TMEM97: variants seen among roughly 807,000 people sequenced by gnomAD.
TMEM97 encodes the protein transmembrane protein 97.
Under a neutral mutation model 18.3 loss-of-function variants are expected in TMEM97, and 13 were observed. That is an observed-to-expected ratio of 0.71 (90% CI 0.46 to 1.13). TMEM97 has a LOEUF of 1.13. Ranked by LOEUF, TMEM97 falls within the 50% of genes most tolerant of loss-of-function variation. TMEM97 has a pLI of 0.00. For synonymous variants in TMEM97, 76 were observed against 85.3 expected, an observed-to-expected ratio of 0.89 and a Z score of 0.60; for missense variants, 205 against 210.5, an observed-to-expected ratio of 0.97 and a Z score of 0.16.
rs1334407704 is a variant in TMEM97, at chr17:28,328,344, T to G, written c.*1551T>G. The G allele has an allele frequency of 2.3e-5, 6 of 265,334 alleles. No individual in the cohort carries two copies. The highest frequency in any genetic ancestry group is 6.8e-5 in the African/African-American group (3 of 44,212). 16.4% of individuals were successfully genotyped at this position (265,334 alleles called of 1,614,324 possible). A position where few individuals can be genotyped will look rare whatever the true frequency, so the allele number is the denominator to read the frequency against. On this transcript the variant is annotated 3_prime_UTR_variant, in exon 3 of 3. Transcript: ENST00000226230. ...CATCAAGCCATTTGAAAACAAAAATTTATTGCTTCTCCTTCCAAAGCTTTG... is the reference window on the plus strand; with the variant it reads ...CATCAAGCCATTTGAAAACAAAAATGTATTGCTTCTCCTTCCAAAGCTTTG...
At chr17:28,320,174 T>C (rs1288939261) in intron 1 of TMEM97, among the ~76,000 whole-genome samples, 1 of 152,234 alleles carries the variant, frequency 6.6e-6, no homozygotes, top group African/African-American at 2.4e-5. Flanking sequence ...TAGGCAGGAC[T>C]GACTTGTCTA....
At position 28,327,050 on chromosome 17, in the gene TMEM97, C is replaced by T; in HGVS notation, c.*257C>T. The T allele has an allele frequency of 1.1e-5, 5 of 443,696 alleles. No homozygotes were observed. Among genetic ancestry groups the T allele is most frequent in the Non-Finnish European group, 2.0e-5 (5 of 244,942 alleles). The allele number at this position is 443,696 out of a possible 1,614,324, so 27.5% of individuals were successfully genotyped here. A position where few individuals can be genotyped will look rare whatever the true frequency, so the allele number is the denominator to read the frequency against. On this transcript the variant is annotated 3_prime_UTR_variant, in exon 3 of 3. Transcript: ENST00000226230. ...GCATGATCTCGGCTCACTGCAACCT[C>T]CGCCTCCTGGGCTCAAGCCATCTTC...
At chr17:28,323,000 A>T (rs1555575065) in intron 1 of TMEM97, among the ~76,000 whole-genome samples, 1 of 152,236 alleles carries the variant, frequency 6.6e-6, no homozygotes, top group East Asian at 1.9e-4. Context: ...TTTAAAGACT[A>T]CATGTATTAA....
chr17:28,320,714 A>G (rs1906109091), intron 1 of TMEM97, among the ~76,000 whole-genome samples: 1 of 152,246 alleles, frequency 6.6e-6, no homozygotes, highest in African/African-American at 2.4e-5. Context: ...GAAATCTTAC[A>G]GTGCTCAAAT....
chr17:28,326,412 C>G, intron 2 of TMEM97, 122 bp from the exon 3 acceptor site: 3 of 1,245,878 alleles, frequency 2.4e-6, no homozygotes, highest in East Asian at 4.7e-5. Context: ...GTTTCCAGTT[C>G]CGAGTTTCCA....
chr17:28,328,352 TCTC>T lies in TMEM97; in HGVS notation c.*1562_*1564del, dbSNP rs1395285030. 4 of 279,988 alleles carry T rather than the reference TCTC, an allele frequency of 1.4e-5. No individual in the cohort carries two copies. Among genetic ancestry groups the T allele is most frequent in the African/African-American group, 2.2e-5 (1 of 44,706 alleles). 17.3% of individuals were successfully genotyped at this position (279,988 alleles called of 1,614,324 possible). A position where few individuals can be genotyped will look rare whatever the true frequency, so the allele number is the denominator to read the frequency against. ...CATTTGAAAACAAAAATTTATTGCT[TCTC>T]CTTCCAAAGCTTTGTGAATTTACAA... On this transcript the variant is annotated 3_prime_UTR_variant, in exon 3 of 3. Transcript: ENST00000226230.
rs538038865 is a variant in TMEM97 at position 28,321,800 on chromosome 17, CTGTGTGTGTGTGTG to C, written c.126+2465_126+2478del. On this transcript the variant is annotated intron_variant, in intron 1 of 2. Coordinates refer to ENST00000226230, the MANE Select transcript of TMEM97 (RefSeq NM_014573.3). The stretch of plus-strand genomic sequence containing the variant: ...AGTGCAGGCAGCATCTGGCCAGAAC[CTGTGTGTGTGTGTG>C]TGTGTGTGTGTGTGTGTGTGTGTGT... Among the ~76,000 whole-genome samples, 673 of 132,300 alleles carry C rather than the reference CTGTGTGTGTGTGTG, an allele frequency of 5.1e-3. 4 individuals are homozygous for C. Among genetic ancestry groups the C allele is most frequent in the Non-Finnish European group, 8.4e-3 (517 of 61,786 alleles). 86.8% of individuals were successfully genotyped at this position (132,300 alleles called of 152,430 possible). A position where few individuals can be genotyped will look rare whatever the true frequency, so the allele number is the denominator to read the frequency against.
At position 28,328,169 on chromosome 17, in the gene TMEM97, G is replaced by C. The variant is rs1209727631; in HGVS notation, c.*1376G>C. 6.5e-6 allele frequency: 1 copy of C among 154,862 alleles called. No individual in the cohort carries two copies. Among genetic ancestry groups the C allele is most frequent in the African/African-American group, 2.4e-5 (1 of 41,460 alleles). 9.6% of individuals were successfully genotyped at this position (154,862 alleles called of 1,614,324 possible). Reference sequence around the variant, plus strand: ...TTTTGCTCACAAGCCATATTGGCCCGATTAGTGGTACTGTCTGACTCACGT... The same window carrying C: ...TTTTGCTCACAAGCCATATTGGCCCCATTAGTGGTACTGTCTGACTCACGT... On this transcript the variant is annotated 3_prime_UTR_variant, in exon 3 of 3. Coordinates refer to ENST00000226230, the MANE Select transcript of TMEM97 (RefSeq NM_014573.3).
At chr17:28,319,493 C>T (rs1906056997) in intron 1 of TMEM97, 128 bp downstream of exon 1, 11 of 1,175,964 alleles carry the variant, frequency 9.4e-6, no homozygotes, top group African/African-American at 1.6e-5. Flanking sequence ...CCCATGCCTC[C>T]CCCGCTCCTA....
rs1045257504 is a variant in TMEM97, at chr17:28,319,253, C to A, written c.14C>A (p.Ala5Glu). Reference sequence around the variant, plus strand: ...AACCGACAGACTATGGGGGCTCCGGCAACCAGGCGCTGCGTGGAGTGGCTG... The same window carrying A: ...AACCGACAGACTATGGGGGCTCCGGAAACCAGGCGCTGCGTGGAGTGGCTG... The part of the protein sequence containing the change: MGAP[A>E]TRRCVEWLLG... The change falls in exon 1 of 3, where the codon GCA becomes GAA. Residue 5 changes from alanine (A) to glutamate (E), a missense_variant. By Grantham distance (107) the Ala-to-Glu change is moderately radical (BLOSUM62 -1). Transcript: ENST00000226230. 6.2e-7 allele frequency: 1 copy of A among 1,608,802 alleles called. No homozygotes were observed. The highest frequency in any genetic ancestry group is 1.1e-5 in the South Asian group (1 of 90,714).
At position 28,319,373 on chromosome 17, in the gene TMEM97, G is replaced by A; in HGVS notation, c.126+8G>A. 1 of 1,578,058 alleles carries A rather than the reference G, an allele frequency of 6.3e-7. No individual in the cohort carries two copies. Among genetic ancestry groups the A allele is most frequent in the African/African-American group, 1.4e-5 (1 of 70,418 alleles). On this transcript the variant is annotated splice_region_variant and intron_variant, in intron 1 of 2. Transcript: ENST00000226230. ...GAGCTCTACCCAGTCGAGGTGAGGG[G>A]CGCCCCTCTTATCCCGGCCCGCTGA...
Position 28,327,477 on chromosome 17 carries a change from A to G in TMEM97, c.*684A>G, listed in dbSNP as rs1339264205. ...GTTCATGAGTCACCTGACCCACAGC[A>G]TATATGCTTATGACTAAACCCTCCA... On this transcript the variant is annotated 3_prime_UTR_variant, in exon 3 of 3. Coordinates refer to ENST00000226230, the MANE Select transcript of TMEM97 (RefSeq NM_014573.3). 2 of 152,372 alleles carry G rather than the reference A, an allele frequency of 1.3e-5. No homozygotes were observed. Among genetic ancestry groups the G allele is most frequent in the Non-Finnish European group, 2.9e-5 (2 of 68,170 alleles). The allele number at this position is 152,372 out of a possible 1,614,324, so 9.4% of individuals were successfully genotyped here.
In TMEM97 at chr17:28,326,848, A is replaced by G; in HGVS notation, c.*55A>G. 1 of 1,568,112 alleles carries G rather than the reference A, an allele frequency of 6.4e-7. No homozygotes were observed. The highest frequency in any genetic ancestry group is 8.6e-7 in the Non-Finnish European group (1 of 1,165,134). The stretch of plus-strand genomic sequence containing the variant: ...TGCCTACAGGGTGGTTGCTTGTTGG[A>G]TACAATACAAGGAACACTGCTCAGA... On this transcript the variant is annotated 3_prime_UTR_variant, in exon 3 of 3. Coordinates refer to ENST00000226230, the MANE Select transcript of TMEM97 (RefSeq NM_014573.3).
rs1268771255 is a variant in TMEM97 at position 28,326,809 on chromosome 17, G to A, written c.*16G>A. Reference sequence around the variant, plus strand: ...AAAAAAATGAAGGAAACAACCACTGGCCCAGGGTAGAGATGCCTACAGGGT... The same window carrying A: ...AAAAAAATGAAGGAAACAACCACTGACCCAGGGTAGAGATGCCTACAGGGT... On this transcript the variant is annotated 3_prime_UTR_variant, in exon 3 of 3. Coordinates refer to ENST00000226230, the MANE Select transcript of TMEM97 (RefSeq NM_014573.3). 1 of 1,605,960 alleles carries A rather than the reference G, an allele frequency of 6.2e-7. No homozygotes were observed. Among genetic ancestry groups the A allele is most frequent in the Non-Finnish European group, 8.5e-7 (1 of 1,178,952 alleles).
chr17:28,323,418 GA>G (rs1906222314), intron 1 of TMEM97, among the ~76,000 whole-genome samples: 1 of 151,638 alleles, frequency 6.6e-6, no homozygotes, highest in Non-Finnish European at 1.5e-5. Context: ...CAAATGGCCA[GA>G]ATGCCTTTTT....
Position 28,326,880 on chromosome 17 carries a change from G to A in TMEM97, c.*87G>A, listed in dbSNP as rs1159989661. 30 of 1,455,070 alleles carry A rather than the reference G, an allele frequency of 2.1e-5. No homozygotes were observed. Among genetic ancestry groups the A allele is most frequent in the East Asian group, 2.3e-5 (1 of 43,968 alleles). The allele number at this position is 1,455,070 out of a possible 1,614,324, so 90.1% of individuals were successfully genotyped here. A position where few individuals can be genotyped will look rare whatever the true frequency, so the allele number is the denominator to read the frequency against. On this transcript the variant is annotated 3_prime_UTR_variant, in exon 3 of 3. Transcript: ENST00000226230. ...ACAAGGAACACTGCTCAGAACCCAC[G>A]TCTTCAGCAGCATTTGAAACACTGG...
At position 28,326,523 on chromosome 17, in the gene TMEM97, G is replaced by A; in HGVS notation, c.272-11G>A. On this transcript the variant is annotated splice_polypyrimidine_tract_variant and intron_variant, in intron 2 of 2. Transcript: ENST00000226230. ...GACCTAACCATTTTTCTTTTCCCCT[G>A]ACTACCTCAGGAAGCTGCAAGTGGA... The A allele has an allele frequency of 6.2e-7, 1 of 1,610,624 alleles. No homozygotes were observed. Among genetic ancestry groups the A allele is most frequent in the Non-Finnish European group, 8.5e-7 (1 of 1,177,832 alleles).
chr17:28,326,736 A>C lies in TMEM97; in HGVS notation c.474A>C (p.Leu158Phe). 6.2e-7 allele frequency: 1 copy of C among 1,614,034 alleles called. No homozygotes were observed. Among genetic ancestry groups the C allele is most frequent in the Non-Finnish European group, 8.5e-7 (1 of 1,180,020 alleles). The change falls in exon 3 of 3, where the codon TTA becomes TTC. Residue 158 changes from leucine (L) to phenylalanine (F), a missense_variant. Transcript: ENST00000226230. The part of the protein sequence containing the change: ...APYLLIPFIL[L>F]IFMLRSPYYK... ...ACTTACTCATCCCATTCATACTTTTAATTTTCATGTTGCGGAGCCCCTACT... is the reference window on the plus strand; with the variant it reads ...ACTTACTCATCCCATTCATACTTTTCATTTTCATGTTGCGGAGCCCCTACT...
chr17:28,326,423 C>T, intron 2 of TMEM97, 111 bp from the exon 3 acceptor site: 1 of 1,356,138 alleles, frequency 7.4e-7, no homozygotes, highest in Non-Finnish European at 1.0e-6. Context: ...CGAGTTTCCA[C>T]TTGGAGAAGG....
Sources: allele counts gnomAD v4.1 joint callset (sites outside exome capture counted in the v4.1 genomes callset), GRCh38; gene constraint gnomAD v4.1.1; transcripts MANE v1.5; gene names NCBI Gene and HGNC (gene_info 2026-07-23, HGNC 2026-07-21).